CDC5L: variants seen among roughly 807,000 people sequenced by gnomAD.
The protein encoded by CDC5L is cell division cycle 5-like protein.
Under a neutral mutation model 104.1 loss-of-function variants are expected in CDC5L, and 18 were observed. The ratio of observed to expected loss-of-function variants is 0.17; its 90% CI spans 0.12 to 0.26. CDC5L has a LOEUF of 0.26. Ranked by LOEUF, CDC5L falls within the 10% of genes least tolerant of loss-of-function variation. The pLI is 1.00. For synonymous variants in CDC5L, 331 were observed against 322.7 expected (o/e 1.03, Z -0.28); for missense variants, 673 against 956.9 (o/e 0.70, Z 3.91).
At chr6:44,421,321 T>TG (rs1792161539) in intron 9 of CDC5L, among the ~76,000 whole-genome samples, 1 of 152,262 alleles carries the variant, frequency 6.6e-6, no homozygotes, top group African/African-American at 2.4e-5. Context: ...AAGAAGAATC[T>TG]TTAAAATACA....
At position 44,446,870 on chromosome 6, in the gene CDC5L, A is replaced by G. The variant is rs1454648340; in HGVS notation, c.*159A>G. 1 of 446,280 alleles carries G rather than the reference A, an allele frequency of 2.2e-6. No individual in the cohort carries two copies. The highest frequency in any genetic ancestry group is 4.0e-6 in the Non-Finnish European group (1 of 252,928). 27.6% of individuals were successfully genotyped at this position (446,280 alleles called of 1,614,324 possible). ...ATCGATCTTACACATTCTGTGTATAAAGACCTTAACTCCACAGGACGGACA... is the reference window on the plus strand; with the variant it reads ...ATCGATCTTACACATTCTGTGTATAGAGACCTTAACTCCACAGGACGGACA... On this transcript the variant is annotated 3_prime_UTR_variant, in exon 16 of 16. Coordinates refer to ENST00000371477, the MANE Select transcript of CDC5L (RefSeq NM_001253.4).
intron 2 of CDC5L, among the ~76,000 whole-genome samples, chr6:44,390,737 TA>T (rs1414614048): frequency 1.3e-5 from 2 of 152,160 alleles, no homozygotes; most frequent in African/African-American, 4.8e-5. Context: ...AATTGTGTTC[TA>T]AAAGTGCATA....
rs574464801 is a variant in CDC5L at position 44,404,257 on chromosome 6, A to G, written c.758+230A>G. Among the ~76,000 whole-genome samples, 4 of 151,714 alleles carry G rather than the reference A, an allele frequency of 2.6e-5. No individual in the cohort carries two copies. The South Asian group carries it at 8.4e-4, about 32-fold the overall frequency. Reference sequence around the variant, plus strand: ...CCTCCTGGGCTCAAGCAATCCTCCCACCTCAGCCTCCTGAGTAGCTAGGCC... The same window carrying G: ...CCTCCTGGGCTCAAGCAATCCTCCCGCCTCAGCCTCCTGAGTAGCTAGGCC... On this transcript the variant is annotated intron_variant, in intron 6 of 15. Coordinates refer to ENST00000371477, the MANE Select transcript of CDC5L (RefSeq NM_001253.4).
At chr6:44,426,823 C>A in intron 13 of CDC5L, 99 bp downstream of exon 13, 3 of 1,167,300 alleles carry the variant, frequency 2.6e-6, no homozygotes, top group South Asian at 1.4e-5. Flanking sequence ...TGTTGGTATT[C>A]ATAAACAACT....
intron 14 of CDC5L, among the ~76,000 whole-genome samples, chr6:44,442,146 A>G (rs1484557337): frequency 6.6e-6 from 1 of 152,038 alleles, no homozygotes; most frequent in Non-Finnish European, 1.5e-5. Context: ...TGTGTTGGCC[A>G]GAATGGTATT....
intron 14 of CDC5L, among the ~76,000 whole-genome samples, chr6:44,437,821 C>T (rs573532424): frequency 3.2e-4 from 48 of 152,172 alleles, no homozygotes; most frequent in African/African-American, 8.0e-4. Flanking sequence ...AATGTTAATT[C>T]GTATGATTAA....
chr6:44,398,413 G>T (rs1354678114), intron 5 of CDC5L, among the ~76,000 whole-genome samples: 1 of 152,156 alleles, frequency 6.6e-6, no homozygotes, highest in Non-Finnish European at 1.5e-5. Flanking sequence ...GGCTAGCATT[G>T]ATTGCTTTAA....
At position 44,438,038 on chromosome 6, in the gene CDC5L, C is replaced by T. The variant is rs560134350; in HGVS notation, c.2092-7617C>T. On this transcript the variant is annotated intron_variant, in intron 14 of 15. Transcript: ENST00000371477. ...GATCATGGCTCACTGCTGCCTCCAA[C>T]CTCTCAGGCTTGGGTGATTCCCGCC... is the stretch of plus-strand genomic sequence containing the variant. Among the ~76,000 whole-genome samples the T allele has an allele frequency of 3.7e-3, 567 of 152,288 alleles. 4 individuals are homozygous for T. Among genetic ancestry groups the T allele is most frequent in the African/African-American group, 0.013 (520 of 41,536 alleles).
At chr6:44,416,375 G>A (rs1791909043) in intron 8 of CDC5L, among the ~76,000 whole-genome samples, 1 of 152,144 alleles carries the variant, frequency 6.6e-6, no homozygotes, top group Non-Finnish European at 1.5e-5. Context: ...CTGTGAGTTT[G>A]AAGCAGAAGT....
At chr6:44,416,689 A>T (rs887785131) in intron 8 of CDC5L, among the ~76,000 whole-genome samples, 3 of 152,164 alleles carry the variant, frequency 2.0e-5, no homozygotes, top group African/African-American at 7.2e-5. Flanking sequence ...TCTCAGATGC[A>T]CCGGCATTTT....
chr6:44,445,384 A>G (rs1793399191), intron 14 of CDC5L, among the ~76,000 whole-genome samples: 1 of 152,184 alleles, frequency 6.6e-6, no homozygotes, highest in African/African-American at 2.4e-5. Flanking sequence ...TTTTTCCCAT[A>G]CTGTGACATT....
At chr6:44,418,863 A>G (rs1792024649) in intron 8 of CDC5L, among the ~76,000 whole-genome samples, 1 of 128,202 alleles carries the variant, frequency 7.8e-6, no homozygotes. Context: ...TTTTTTTGTA[A>G]ATTTGTTTGA....
chr6:44,427,389 G>A lies in CDC5L; in HGVS notation c.1893+665G>A, dbSNP rs11572025. Among the ~76,000 whole-genome samples the A allele has an allele frequency of 7.2e-5, 11 of 152,296 alleles. No individual in the cohort carries two copies. In the South Asian group the frequency reaches 2.3e-3, roughly 32 times the overall value. The stretch of plus-strand genomic sequence containing the variant: ...AAGCAGAGTGGTCATTAGCTTAAAA[G>A]TCTTTTTTTCTTTAGCCTTCAGCCC... On this transcript the variant is annotated intron_variant, in intron 13 of 15. Transcript: ENST00000371477.
intron 8 of CDC5L, among the ~76,000 whole-genome samples, chr6:44,411,635 A>AGTGTGTGTGTGTGTGTGT (rs372072520): frequency 0.032 from 3,884 of 121,290 alleles, 89 homozygotes; most frequent in African/African-American, 0.069. Context: ...AGAGAGAGAG[A>AGTGTGTGTGTGTGTGTGT]GAGTGTGTGT....
intron 8 of CDC5L, among the ~76,000 whole-genome samples, chr6:44,414,713 T>G (rs1350294377): frequency 2.0e-5 from 3 of 152,138 alleles, no homozygotes; most frequent in Admixed American, 2.0e-4. Flanking sequence ...TGCAGATGTT[T>G]CCTCTCATTT....
intron 5 of CDC5L, among the ~76,000 whole-genome samples, chr6:44,398,325 C>T (rs9369482): frequency 0.038 from 5,812 of 152,180 alleles, 347 homozygotes; most frequent in Admixed American, 0.16. Flanking sequence ...TTGTAGGGGA[C>T]CAAATTTTTA....
chr6:44,410,261 TC>T (rs1791570082), intron 8 of CDC5L, among the ~76,000 whole-genome samples: 2 of 152,060 alleles, frequency 1.3e-5, no homozygotes, highest in South Asian at 4.1e-4. Flanking sequence ...ACCATTTTAC[TC>T]TTTTTCTGTG....
In CDC5L at chr6:44,446,846, T is replaced by C. The variant is rs1793474905; in HGVS notation, c.*135T>C. ...TTTCAGTTGTTTATTTTAAATGATA[T>C]CGATCTTACACATTCTGTGTATAAA... On this transcript the variant is annotated 3_prime_UTR_variant, in exon 16 of 16. Coordinates refer to ENST00000371477, the MANE Select transcript of CDC5L (RefSeq NM_001253.4). The C allele has an allele frequency of 7.5e-6, 4 of 532,250 alleles. No homozygotes were observed. In the South Asian group the frequency reaches 8.3e-5, roughly 11 times the overall value. The allele number at this position is 532,250 out of a possible 1,614,324, so 33.0% of individuals were successfully genotyped here. A position where few individuals can be genotyped will look rare whatever the true frequency, so the allele number is the denominator to read the frequency against.
At chr6:44,421,895 G>T (rs972175875) in intron 9 of CDC5L, among the ~76,000 whole-genome samples, 1 of 152,072 alleles carries the variant, frequency 6.6e-6, no homozygotes, top group African/African-American at 2.4e-5. Flanking sequence ...TGTATGTCTT[G>T]TCTCTCACCT....
Sources: gnomAD v4.1 joint callset for allele counts (sites outside exome capture counted in the v4.1 genomes callset) on GRCh38, gnomAD v4.1.1 for gene constraint, MANE v1.5 for transcripts, NCBI Gene and HGNC (gene_info 2026-07-23, HGNC 2026-07-21) for gene names.